MATR3: variants seen among roughly 807,000 people sequenced by gnomAD.
The protein encoded by MATR3 is matrin 3.
MATR3 carries 4 observed loss-of-function variants against 85.5 expected under a neutral mutation model. The observed-to-expected ratio is 0.05, with a 90% CI of 0.02 to 0.11. The LOEUF (loss-of-function observed/expected upper bound fraction) is 0.11, where lower values mean the gene tolerates loss of function less well. Among genes scored for constraint, MATR3 ranks in the 10% least tolerant of loss-of-function variants. The pLI is 1.00. For synonymous variants in MATR3, 336 were observed against 343.1 expected (o/e 0.98, Z 0.23); for missense variants, 685 against 1,016.1 (o/e 0.67, Z 4.43).
chr5:139,323,971 C>T (rs1206167874), intron 12 of MATR3, among the ~76,000 whole-genome samples: 1 of 151,858 alleles, frequency 6.6e-6, no homozygotes, highest in Non-Finnish European at 1.5e-5. Context: ...CAACATTCAA[C>T]TCAAAACCAA....
chr5:139,287,275 A>G (rs2151894976), intron 3 of MATR3, among the ~76,000 whole-genome samples: 1 of 152,278 alleles, frequency 6.6e-6, no homozygotes, highest in Admixed American at 6.5e-5. Flanking sequence ...TCAAAATTGG[A>G]AAAGGTCCTC....
chr5:139,328,850 A>G lies in MATR3; in HGVS notation c.2494-495A>G, dbSNP rs1010123303. On this transcript the variant is annotated intron_variant, in intron 14 of 14. Coordinates refer to ENST00000394805, the MANE Select transcript of MATR3 (RefSeq NM_018834.6). ...AAACCCCGTCTCTACCAAAAGTACA[A>G]AAAAATTAACTGGGCTTGGTGGCGG... Among the ~76,000 whole-genome samples the G allele has an allele frequency of 4.6e-5, 7 of 152,004 alleles. No individual in the cohort carries two copies. The East Asian group carries it at 1.2e-3, about 25-fold the overall frequency.
intron 9 of MATR3, among the ~76,000 whole-genome samples, chr5:139,320,886 C>A (rs1229029826): frequency 6.7e-6 from 1 of 150,232 alleles, no homozygotes; most frequent in Non-Finnish European, 1.5e-5. Flanking sequence ...TAGCTGGGAC[C>A]ACAGGCACCC....
chr5:139,325,742 T>G (rs974869170), intron 13 of MATR3, 80 bp downstream of exon 13: 1 of 1,293,580 alleles, frequency 7.7e-7, no homozygotes, highest in Non-Finnish European at 1.1e-6. Context: ...GATTTTAAAG[T>G]TGGTCTTACA....
upstream of MATR3, among the ~76,000 whole-genome samples, chr5:139,289,342 C>T (rs1753803095): frequency 1.3e-5 from 2 of 152,184 alleles, no homozygotes; most frequent in Non-Finnish European, 2.9e-5. Context: ...TAGCTTATAG[C>T]CCAGGAATTA....
At chr5:139,314,426 A>G (rs1755145309) in intron 2 of MATR3, 1 of 446,446 alleles carries the variant, frequency 2.2e-6, no homozygotes, top group Non-Finnish European at 4.2e-6. Flanking sequence ...TTTCCCTGTC[A>G]AATATCTTAA....
rs1330955477 is a variant in MATR3, at chr5:139,330,508, T to A, written c.*1113T>A. Reference sequence around the variant, plus strand: ...TGCATGCTTTAACAATTTATTACTTTTAAATCTAGAGTGAATTCTAAAGAC... The same window carrying A: ...TGCATGCTTTAACAATTTATTACTTATAAATCTAGAGTGAATTCTAAAGAC... On this transcript the variant is annotated 3_prime_UTR_variant, in exon 15 of 15. Coordinates refer to ENST00000394805, the MANE Select transcript of MATR3 (RefSeq NM_018834.6). The A allele has an allele frequency of 2.2e-6, 1 of 454,184 alleles. No homozygotes were observed. The highest frequency in any genetic ancestry group is 6.9e-5 in the East Asian group (1 of 14,404). 28.1% of individuals were successfully genotyped at this position (454,184 alleles called of 1,614,324 possible). A position where few individuals can be genotyped will look rare whatever the true frequency, so the allele number is the denominator to read the frequency against.
At chr5:139,312,119 A>T (rs541113123) in intron 2 of MATR3, 1 of 151,790 alleles carries the variant, frequency 6.6e-6, no homozygotes, top group African/African-American at 2.4e-5. Context: ...ACTTAGAGCC[A>T]TTTTTATTTT....
At chr5:139,301,172 C>T (rs1284358029) in intron 1 of MATR3, among the ~76,000 whole-genome samples, 2 of 152,122 alleles carry the variant, frequency 1.3e-5, no homozygotes, top group Non-Finnish European at 2.9e-5. Flanking sequence ...TTCCCACCAC[C>T]CTTTTTGGCT....
At chr5:139,289,838 T>C (rs1753815858), upstream of MATR3, among the ~76,000 whole-genome samples, 1 of 152,226 alleles carries the variant, frequency 6.6e-6, no homozygotes, top group Admixed American at 6.5e-5. Flanking sequence ...TTGTCTTCCT[T>C]CTTCCCATAT....
Position 139,331,513 on chromosome 5 carries a change from A to T in MATR3, c.*2118A>T. On this transcript the variant is annotated 3_prime_UTR_variant, in exon 15 of 15. Transcript: ENST00000394805. ...AAATTATAATAAGCTGTTAGTGATA[A>T]ATCTGTAACAGCCCTTCGATTACGA... 1 of 454,140 alleles carries T rather than the reference A, an allele frequency of 2.2e-6. No individual in the cohort carries two copies. Among genetic ancestry groups the T allele is most frequent in the Non-Finnish European group, 4.4e-6 (1 of 226,796 alleles). 28.1% of individuals were successfully genotyped at this position (454,140 alleles called of 1,614,324 possible).
upstream of MATR3, among the ~76,000 whole-genome samples, chr5:139,292,967 AC>A (rs1239697699): frequency 3.9e-5 from 6 of 152,098 alleles, no homozygotes; most frequent in Non-Finnish European, 7.4e-5. Flanking sequence ...AACAAAAAAA[AC>A]AGCTGGCTGG....
At chr5:139,289,867 T>G (rs141271430), upstream of MATR3, among the ~76,000 whole-genome samples, 13 of 152,342 alleles carry the variant, frequency 8.5e-5, no homozygotes, top group East Asian at 1.2e-3. Flanking sequence ...TCCAGTCTAT[T>G]TCACGCTTCA....
At chr5:139,298,515 G>T (rs777160442) in intron 1 of MATR3, among the ~76,000 whole-genome samples, 1 of 152,202 alleles carries the variant, frequency 6.6e-6, no homozygotes, top group Non-Finnish European at 1.5e-5. Flanking sequence ...GTTGCAGTGA[G>T]GCGAGATCGT....
intron 3 of MATR3, among the ~76,000 whole-genome samples, chr5:139,284,529 A>G (rs914610817): frequency 2.0e-5 from 3 of 152,036 alleles, no homozygotes; most frequent in Non-Finnish European, 2.9e-5. Context: ...AATCGCTTGA[A>G]CTTGGAAGGC....
intron 12 of MATR3, chr5:139,325,146 T>A: frequency 2.8e-6 from 3 of 1,069,928 alleles, no homozygotes. Context: ...TGAGCCGAGA[T>A]CGCGCCACTG....
chr5:139,282,102 CA>C (rs1225009564), intron 3 of MATR3, among the ~76,000 whole-genome samples: 7 of 152,170 alleles, frequency 4.6e-5, no homozygotes, highest in African/African-American at 1.2e-4. Context: ...GGAATTCACA[CA>C]AAGGAAAACA....
Position 139,307,486 on chromosome 5 carries a change from C to T in MATR3, c.71C>T (p.Ala24Val). The change falls in exon 2 of 15, where the codon GCA becomes GTA. Residue 24 changes from alanine (A) to valine (V), a missense_variant. Coordinates refer to ENST00000394805, the MANE Select transcript of MATR3 (RefSeq NM_018834.6). This position sits in a 1 kb window ranked among gnomAD's most constrained non-coding sequence, Gnocchi z 4.4. ...SQGHGRDLSA[A>V]GIGLLAAATQ... Reference sequence around the variant, plus strand: ...GGTCATGGGCGTGACCTGTCTGCGGCAGGAATAGGCCTTCTTGCTGCTGCT... The same window carrying T: ...GGTCATGGGCGTGACCTGTCTGCGGTAGGAATAGGCCTTCTTGCTGCTGCT... 1 of 1,614,000 alleles carries T rather than the reference C, an allele frequency of 6.2e-7. No homozygotes were observed. Among genetic ancestry groups the T allele is most frequent in the Non-Finnish European group, 8.5e-7 (1 of 1,179,982 alleles).
rs752884348 is a variant in MATR3, at chr5:139,316,208, G to A, written c.1129+20G>A. 5.8e-6 allele frequency: 9 copies of A among 1,564,032 alleles called. No homozygotes were observed. Among genetic ancestry groups the A allele is most frequent in the Admixed American group, 5.0e-5 (3 of 59,894 alleles). ...ATCTGGGTAATTATATAAAATTCAT[G>A]TTACTTTTCCCTACAGAGCCGTTAC... is the stretch of plus-strand genomic sequence containing the variant. On this transcript the variant is annotated intron_variant, in intron 5 of 14. Coordinates refer to ENST00000394805, the MANE Select transcript of MATR3 (RefSeq NM_018834.6).
Sources: gnomAD v4.1 joint callset for allele counts (sites outside exome capture counted in the v4.1 genomes callset) on GRCh38, gnomAD v4.1.1 for gene constraint, Gnocchi (gnomAD v3.1) non-coding constraint, MANE v1.5 for transcripts, NCBI Gene and HGNC (gene_info 2026-07-23, HGNC 2026-07-21) for gene names.